The following DCP1B variants were observed in gnomAD, a reference collection of about 807,000 sequenced individuals.
DCP1B encodes decapping mRNA 1B.
Under a neutral mutation model 60.5 loss-of-function variants are expected in DCP1B, and 47 were observed. That is an observed-to-expected ratio of 0.78 (90% CI 0.61 to 0.99). The LOEUF (loss-of-function observed/expected upper bound fraction) is 0.99, where lower values mean the gene tolerates loss of function less well. DCP1B is among the 50% of genes least tolerant of loss of function. DCP1B has a pLI of 0.00. For synonymous variants in DCP1B, 267 were observed against 280.3 expected (o/e 0.95, Z 0.47); for missense variants, 725 against 756.8 (o/e 0.96, Z 0.49).
chr12:1,941,639 A>T (rs1379545550), downstream of DCP1B, among the ~76,000 whole-genome samples: 6 of 151,906 alleles, frequency 3.9e-5, no homozygotes, highest in Admixed American at 3.9e-4. Flanking sequence ...TCGTGGATTT[A>T]TCTTTGACAC....
intron 3 of DCP1B, among the ~76,000 whole-genome samples, chr12:1,990,961 C>A (rs1414918298): frequency 7.5e-6 from 1 of 133,646 alleles, no homozygotes; most frequent in Non-Finnish European, 1.6e-5. Context: ...GGTGCAAAGG[C>A]AATCAGTATC....
Position 1,962,844 on chromosome 12 carries a change from G to A in DCP1B, c.522+2714C>T, listed in dbSNP as rs1337826781. Among the ~76,000 whole-genome samples, 3 of 151,978 alleles carry A rather than the reference G, an allele frequency of 2.0e-5. No individual in the cohort carries two copies. The highest frequency in any genetic ancestry group is 7.3e-5 in the African/African-American group (3 of 41,362). On this transcript the variant is annotated intron_variant, in intron 5 of 8. Coordinates refer to ENST00000280665, the MANE Select transcript of DCP1B (RefSeq NM_152640.5). The surrounding 1 kb of genome is among the most constrained non-coding windows in gnomAD (Gnocchi z 4.4). ...TGCTAAGTACTTTGAAGACAATAAG[G>A]GATATAAAAGTGAATAAAGGATGTT... is the stretch of plus-strand genomic sequence containing the variant.
downstream of DCP1B, among the ~76,000 whole-genome samples, chr12:1,944,881 C>T (rs964573276): frequency 6.6e-6 from 1 of 152,162 alleles, no homozygotes; most frequent in Non-Finnish European, 1.5e-5. Flanking sequence ...TGTGCAAAGA[C>T]TTCATGACTA....
intron 5 of DCP1B, among the ~76,000 whole-genome samples, chr12:1,957,187 A>G (rs1393057780): frequency 1.3e-5 from 2 of 152,132 alleles, no homozygotes; most frequent in East Asian, 1.9e-4. Context: ...TCCTGGGGGG[A>G]AAAACAGTTT....
At chr12:1,965,068 G>GA (rs1392372263) in intron 5 of DCP1B, among the ~76,000 whole-genome samples, 1 of 152,084 alleles carries the variant, frequency 6.6e-6, no homozygotes, top group Non-Finnish European at 1.5e-5. Flanking sequence ...CTTAAATGTA[G>GA]AGATTTTTTT....
intron 6 of DCP1B, among the ~76,000 whole-genome samples, chr12:1,953,738 C>T (rs112962344): frequency 0.027 from 4,176 of 152,294 alleles, 95 homozygotes; most frequent in Middle Eastern, 0.054. Context: ...TGGAAAGAAA[C>T]GGAAGACTTT....
In DCP1B at chr12:1,971,636, G is replaced by C. The variant is rs2032319394; in HGVS notation, c.320-3726C>G. 6.6e-6 allele frequency among the ~76,000 whole-genome samples: 1 copy of C among 152,078 alleles called. No homozygotes were observed. The highest frequency in any genetic ancestry group is 2.4e-5 in the African/African-American group (1 of 41,394). On this transcript the variant is annotated intron_variant, in intron 3 of 8. Coordinates refer to ENST00000280665, the MANE Select transcript of DCP1B (RefSeq NM_152640.5). This position sits in a 1 kb window ranked among gnomAD's most constrained non-coding sequence, Gnocchi z 4.2. ...TTCTTCAGTGGAAAAACCAAAAGCT[G>C]GTCAAATTTTAAGAGGCTAGTTAAG...
intron 5 of DCP1B, among the ~76,000 whole-genome samples, chr12:1,960,042 G>GTA (rs1056979530): frequency 6.6e-6 from 1 of 152,102 alleles, no homozygotes; most frequent in African/African-American, 2.4e-5. Context: ...CCATTTCTGG[G>GTA]TATATATCCA....
chr12:1,972,981 G>A (rs192647539), intron 3 of DCP1B, among the ~76,000 whole-genome samples: 169 of 152,332 alleles, frequency 1.1e-3, no homozygotes, highest in African/African-American at 3.6e-3. Flanking sequence ...CACAGGCTGC[G>A]TTTGGCCGGC....
At chr12:1,967,077 G>A (rs1019770389) in intron 4 of DCP1B, among the ~76,000 whole-genome samples, 1 of 152,146 alleles carries the variant, frequency 6.6e-6, no homozygotes, top group African/African-American at 2.4e-5. Flanking sequence ...ATAAATGGCA[G>A]GGAAATAACT....
At position 1,990,651 on chromosome 12, in the gene DCP1B, T is replaced by A. The variant is rs150501551; in HGVS notation, c.319+2613A>T. On this transcript the variant is annotated intron_variant, in intron 3 of 8. Coordinates refer to ENST00000280665, the MANE Select transcript of DCP1B (RefSeq NM_152640.5). ...ATGGCCTATGACATACATAAGCCAATGTGAAATGCAAAGACCAGACAGAGA... is the reference window on the plus strand; with the variant it reads ...ATGGCCTATGACATACATAAGCCAAAGTGAAATGCAAAGACCAGACAGAGA... Among the ~76,000 whole-genome samples, 2 of 152,210 alleles carry A rather than the reference T, an allele frequency of 1.3e-5. 1 individual carries two copies. The highest frequency in any genetic ancestry group is 4.8e-5 in the African/African-American group (2 of 41,546).
At chr12:1,994,518 GA>G (rs2040332398) in intron 2 of DCP1B, among the ~76,000 whole-genome samples, 1 of 152,126 alleles carries the variant, frequency 6.6e-6, no homozygotes, top group Non-Finnish European at 1.5e-5. Context: ...ATCAATACCA[GA>G]AATAATCATG....
intron 7 of DCP1B, chr12:1,950,320 A>C (rs1592776914): frequency 1.4e-6 from 1 of 702,282 alleles, no homozygotes; most frequent in Non-Finnish European, 2.6e-6. Flanking sequence ...CATTCTGAGC[A>C]CAGCGTGGGC....
At chr12:1,983,051 A>G (rs1176528207) in intron 3 of DCP1B, among the ~76,000 whole-genome samples, 1 of 151,594 alleles carries the variant, frequency 6.6e-6, no homozygotes, top group Non-Finnish European at 1.5e-5. Flanking sequence ...GCTGAATTAT[A>G]GTACTCCCTT....
intron 3 of DCP1B, among the ~76,000 whole-genome samples, chr12:1,985,047 A>G (rs1428475677): frequency 6.6e-6 from 1 of 152,032 alleles, no homozygotes; most frequent in African/African-American, 2.4e-5. Context: ...AAAAAAAAAA[A>G]AAATCTTTGT....
chr12:1,954,925 C>T (rs143694423), intron 6 of DCP1B, among the ~76,000 whole-genome samples: 4,137 of 152,218 alleles, frequency 0.027, 94 homozygotes, highest in Middle Eastern at 0.054. Flanking sequence ...TGCAGTGGCG[C>T]ATTCCATAGC....
intron 3 of DCP1B, among the ~76,000 whole-genome samples, chr12:1,977,050 T>C (rs1156755213): frequency 6.6e-6 from 1 of 152,234 alleles, no homozygotes; most frequent in African/African-American, 2.4e-5. Context: ...GCAGATAATG[T>C]GTCTTTCATT....
At chr12:1,950,217 C>T in intron 7 of DCP1B, 1 of 630,530 alleles carries the variant, frequency 1.6e-6, no homozygotes, top group South Asian at 1.8e-5. Context: ...AAAAGTTGGC[C>T]TAGAGGAAGG....
At chr12:1,980,131 T>C (rs761062918) in intron 3 of DCP1B, among the ~76,000 whole-genome samples, 92 of 152,192 alleles carry the variant, frequency 6.0e-4, no homozygotes, top group Non-Finnish European at 1.1e-3. Flanking sequence ...CCAAGATAGA[T>C]AGGCATACAT....
Sources: gnomAD v4.1 joint callset for allele counts (sites outside exome capture counted in the v4.1 genomes callset) on GRCh38, gnomAD v4.1.1 for gene constraint, Gnocchi (gnomAD v3.1) non-coding constraint, MANE v1.5 for transcripts, NCBI Gene and HGNC (gene_info 2026-07-23, HGNC 2026-07-21) for gene names.